Variants in UCK2 observed in about 807,000 individuals in gnomAD.
The protein encoded by UCK2 is uridine-cytidine kinase 2.
UCK2 carries 6 observed loss-of-function variants against 30.8 expected under a neutral mutation model. The observed-to-expected ratio is 0.19, with a 90% confidence interval of 0.11 to 0.38. The LOEUF is 0.38. Ranked by LOEUF, UCK2 falls within the 10% of genes least tolerant of loss-of-function variation. The probability of loss-of-function intolerance (pLI) is 1.00; values close to 1 mark genes in which losing one functional copy is unlikely to be tolerated. For missense variants in UCK2, 210 were observed against 339.8 expected (o/e 0.62, Z 3.00); for synonymous variants, 125 against 133.6 (o/e 0.94, Z 0.45).
intron 1 of UCK2, among the ~76,000 whole-genome samples, chr1:165,860,589 C>T (rs1389533901): frequency 1.3e-5 from 2 of 152,130 alleles, no homozygotes; most frequent in East Asian, 3.9e-4. Context: ...GCTGGGACTA[C>T]AGGTGCACAC....
intron 1 of UCK2, among the ~76,000 whole-genome samples, chr1:165,832,721 G>A (rs1438003199): frequency 2.0e-5 from 3 of 151,940 alleles, no homozygotes; most frequent in African/African-American, 7.3e-5. Context: ...AGCCTCCCAA[G>A]TAGCTGGGAT....
chr1:165,839,809 T>C (rs1242048238), intron 1 of UCK2, among the ~76,000 whole-genome samples: 2 of 152,216 alleles, frequency 1.3e-5, no homozygotes, highest in Admixed American at 1.3e-4. Context: ...AACGATAAAA[T>C]GTATGCAGAG....
intron 1 of UCK2, among the ~76,000 whole-genome samples, chr1:165,844,537 G>C (rs1013582100): frequency 2.0e-5 from 3 of 152,120 alleles, no homozygotes; most frequent in African/African-American, 7.2e-5. Flanking sequence ...AATTTCCCAG[G>C]TGATAGGAGC....
intron 1 of UCK2, among the ~76,000 whole-genome samples, chr1:165,870,244 A>G (rs1034219846): frequency 4.0e-5 from 6 of 149,666 alleles, no homozygotes; most frequent in African/African-American, 9.9e-5. Context: ...CAGTTTTCCC[A>G]ATACCATTAG....
intron 1 of UCK2, among the ~76,000 whole-genome samples, chr1:165,860,428 A>C (rs1654866065): frequency 6.6e-6 from 1 of 151,978 alleles, no homozygotes; most frequent in African/African-American, 2.4e-5. Context: ...GTTTGTGCAG[A>C]GTGAATTCTT....
intron 5 of UCK2, among the ~76,000 whole-genome samples, chr1:165,905,273 AG>A (rs1647611824): frequency 6.6e-6 from 1 of 152,212 alleles, no homozygotes; most frequent in East Asian, 1.9e-4. Context: ...GCTTGAGCCC[AG>A]GAGTTTGAGA....
intron 1 of UCK2, among the ~76,000 whole-genome samples, chr1:165,867,796 A>G (rs1655083575): frequency 1.3e-5 from 2 of 152,182 alleles, no homozygotes; most frequent in Non-Finnish European, 2.9e-5. Flanking sequence ...GAGGCTTGGA[A>G]TCTACTTCTT....
chr1:165,878,948 T>G (rs1655406401), intron 1 of UCK2, among the ~76,000 whole-genome samples: 1 of 152,196 alleles, frequency 6.6e-6, no homozygotes. Flanking sequence ...TGAGTGAGAG[T>G]TCCTGTTGCT....
chr1:165,842,005 A>G (rs1025585049), intron 1 of UCK2, among the ~76,000 whole-genome samples: 2 of 152,226 alleles, frequency 1.3e-5, no homozygotes, highest in African/African-American at 2.4e-5. Context: ...GTTAATGACT[A>G]TGCTAAAGCT....
intron 4 of UCK2, 69 bp from the exon 5 acceptor site, chr1:165,903,113 C>G: frequency 8.1e-7 from 1 of 1,235,104 alleles, no homozygotes; most frequent in Non-Finnish European, 1.2e-6. Flanking sequence ...GCTAGGTCCA[C>G]CCCATGAAGG....
intron 1 of UCK2, among the ~76,000 whole-genome samples, chr1:165,841,463 G>C (rs1359953746): frequency 6.6e-6 from 1 of 152,150 alleles, no homozygotes; most frequent in Non-Finnish European, 1.5e-5. Flanking sequence ...GGGGATTACA[G>C]GCGTGAGCCA....
chr1:165,907,354 T>C (rs1345962588), intron 6 of UCK2, among the ~76,000 whole-genome samples: 1 of 152,186 alleles, frequency 6.6e-6, no homozygotes, highest in Non-Finnish European at 1.5e-5. Context: ...GTCAGAACCA[T>C]GGCTGGTTAC....
intron 4 of UCK2, among the ~76,000 whole-genome samples, chr1:165,899,801 A>C (rs6693108): frequency 0.11 from 16,733 of 152,062 alleles, 2,699 homozygotes; most frequent in African/African-American, 0.35. Flanking sequence ...GCCTGAGGAG[A>C]AGGGCCTTTC....
At chr1:165,870,558 C>A (rs1007715271) in intron 1 of UCK2, among the ~76,000 whole-genome samples, 2 of 152,150 alleles carry the variant, frequency 1.3e-5, no homozygotes, top group Non-Finnish European at 2.9e-5. Context: ...TGTCTGGCTA[C>A]AGGGTTCTGC....
intron 1 of UCK2, among the ~76,000 whole-genome samples, chr1:165,882,547 T>C (rs1267570536): frequency 6.6e-6 from 1 of 152,230 alleles, no homozygotes; most frequent in East Asian, 1.9e-4. Flanking sequence ...TTCCAGAGGC[T>C]GGGAAGTTCA....
At chr1:165,865,015 GCA>G (rs1337336587) in intron 1 of UCK2, among the ~76,000 whole-genome samples, 1 of 151,904 alleles carries the variant, frequency 6.6e-6, no homozygotes, top group Non-Finnish European at 1.5e-5. Context: ...ACACACACAT[GCA>G]CACACACACT....
At chr1:165,860,141 C>T (rs139969444) in intron 1 of UCK2, among the ~76,000 whole-genome samples, 4 of 152,364 alleles carry the variant, frequency 2.6e-5, no homozygotes, top group Non-Finnish European at 5.9e-5. Flanking sequence ...CACTGCGGGG[C>T]AGATTCAAGA....
chr1:165,868,259 T>C (rs1655096418), intron 1 of UCK2, among the ~76,000 whole-genome samples: 1 of 152,176 alleles, frequency 6.6e-6, no homozygotes, highest in Admixed American at 6.5e-5. Context: ...AGATGGAGCA[T>C]ACAAGGGCCT....
intron 1 of UCK2, among the ~76,000 whole-genome samples, chr1:165,854,165 T>C (rs1238793565): frequency 6.6e-6 from 1 of 152,150 alleles, no homozygotes; most frequent in Non-Finnish European, 1.5e-5. Context: ...ATTGGAGCAG[T>C]GGGATCTGGA....
Sources: allele counts gnomAD v4.1 joint callset (sites outside exome capture counted in the v4.1 genomes callset), GRCh38; gene constraint gnomAD v4.1.1; transcripts MANE v1.5; gene names NCBI Gene and HGNC (gene_info 2026-07-23, HGNC 2026-07-21).